GLCCI1: variants seen among roughly 807,000 people sequenced by gnomAD.
GLCCI1 encodes the protein glucocorticoid induced 1, also known as glucocorticoid-induced transcript 1 protein.
In GLCCI1, 24 loss-of-function variants were observed where a neutral mutation model predicts 52.2. The ratio of observed to expected loss-of-function variants is 0.46; its 90% CI spans 0.33 to 0.65. The LOEUF is 0.65. GLCCI1 is among the 30% of genes least tolerant of loss of function. The probability of loss-of-function intolerance (pLI) is 0.02; values close to 1 mark genes in which losing one functional copy is unlikely to be tolerated. For synonymous variants in GLCCI1, 310 were observed against 276.5 expected, an observed-to-expected ratio of 1.12 and a Z score of -1.20; for missense variants, 704 against 701.5, an observed-to-expected ratio of 1.00 and a Z score of -0.04.
chr7:8,047,532 T>TCC (rs1782159196), intron 3 of GLCCI1, among the ~76,000 whole-genome samples: 3 of 152,232 alleles, frequency 2.0e-5, no homozygotes, highest in Non-Finnish European at 4.4e-5. Flanking sequence ...TGAAGATAAC[T>TCC]TTTTAGCATT....
intron 2 of GLCCI1, among the ~76,000 whole-genome samples, chr7:8,012,117 G>C (rs184309113): frequency 6.6e-5 from 10 of 152,076 alleles, no homozygotes; most frequent in Admixed American, 5.9e-4. Context: ...GCCCAGCCAG[G>C]GGTCCAGTTT....
At position 8,003,974 on chromosome 7, in the gene GLCCI1, C is replaced by T; in HGVS notation, c.524C>T (p.Thr175Ile). 1 of 1,613,678 alleles carries T rather than the reference C, an allele frequency of 6.2e-7. No individual in the cohort carries two copies. The highest frequency in any genetic ancestry group is 8.5e-7 in the Non-Finnish European group (1 of 1,179,708). The change falls in exon 2 of 8, where the codon ACA (threonine) becomes ATA (isoleucine). Residue 175 changes from threonine (T) to isoleucine (I), a missense_variant. Around this residue, in one of 3 missense-constraint regions of GLCCI1, gnomAD observed 547 missense variants for 524.8 expected, o/e 1.04. Transcript: ENST00000223145. ...ATAAGGCGAACCTCCTCTTTGGATA[C>T]AATAACAGGACCTTACCTCACAGGA... ...STIRRTSSLD[T>I]ITGPYLTGQW...
At chr7:8,006,633 T>C (rs1781156134) in intron 2 of GLCCI1, among the ~76,000 whole-genome samples, 1 of 152,226 alleles carries the variant, frequency 6.6e-6, no homozygotes, top group Admixed American at 6.5e-5. Flanking sequence ...GTAAGTTAAA[T>C]GAACAAATTA....
chr7:8,044,610 A>G (rs150454700), intron 3 of GLCCI1, among the ~76,000 whole-genome samples: 95 of 152,288 alleles, frequency 6.2e-4, no homozygotes, highest in African/African-American at 2.1e-3. Context: ...GGCTCAAGCA[A>G]TCATCCAGCC....
At chr7:8,055,339 T>C (rs1659480497) in intron 3 of GLCCI1, 94 bp from the exon 4 acceptor site, 1 of 619,218 alleles carries the variant, frequency 1.6e-6, no homozygotes, top group Non-Finnish European at 2.7e-6. Flanking sequence ...AACTTGAAAA[T>C]GTTTTAATCA....
At chr7:8,072,081 T>C (rs547925976) in intron 6 of GLCCI1, among the ~76,000 whole-genome samples, 7 of 152,286 alleles carry the variant, frequency 4.6e-5, no homozygotes, top group African/African-American at 1.4e-4. Context: ...CAAGTATAGA[T>C]ATAGAAGATT....
chr7:8,024,652 T>C (rs1781572977), intron 3 of GLCCI1: 1 of 152,216 alleles, frequency 6.6e-6, no homozygotes, highest in Admixed American at 6.5e-5. Context: ...TTCAGTAATA[T>C]ATGACATACA....
intron 4 of GLCCI1, 26 bp downstream of exon 4, chr7:8,055,575 G>T (rs1178427012): frequency 7.6e-7 from 1 of 1,317,496 alleles, no homozygotes; most frequent in South Asian, 1.2e-5. Flanking sequence ...GTCCAGATTT[G>T]AATAATTACT....
intron 1 of GLCCI1, among the ~76,000 whole-genome samples, chr7:8,001,636 A>G (rs551685805): frequency 4.6e-5 from 7 of 152,358 alleles, no homozygotes; most frequent in Admixed American, 2.0e-4. Flanking sequence ...TCATGCTACT[A>G]TAAAGACACA....
chr7:8,052,475 C>T (rs1782280334), intron 3 of GLCCI1, among the ~76,000 whole-genome samples: 1 of 151,994 alleles, frequency 6.6e-6, no homozygotes, highest in African/African-American at 2.4e-5. Flanking sequence ...TGTCTCACAC[C>T]CAGGATATAT....
chr7:8,007,480 C>G (rs573812156), intron 2 of GLCCI1, among the ~76,000 whole-genome samples: 2 of 152,234 alleles, frequency 1.3e-5, no homozygotes, highest in South Asian at 2.1e-4. Context: ...TAACTACTAA[C>G]CTACTTCTTG....
chr7:8,002,432 C>A (rs1360334049), intron 1 of GLCCI1, among the ~76,000 whole-genome samples: 5 of 152,164 alleles, frequency 3.3e-5, no homozygotes, highest in Non-Finnish European at 7.4e-5. Context: ...CCATTAGATT[C>A]TCTGCCTTCA....
At chr7:8,024,269 G>T (rs761785870) in intron 3 of GLCCI1, among the ~76,000 whole-genome samples, 27 of 152,154 alleles carry the variant, frequency 1.8e-4, no homozygotes, top group Non-Finnish European at 2.9e-4. Context: ...TTACATTTTA[G>T]CAGCTTCTTT....
chr7:8,012,683 G>T (rs1781294813), intron 2 of GLCCI1, among the ~76,000 whole-genome samples: 1 of 151,728 alleles, frequency 6.6e-6, no homozygotes, highest in Non-Finnish European at 1.5e-5. Context: ...CTGACCTTGT[G>T]ATCCACCCGC....
At chr7:8,002,949 G>C (rs1163808418) in intron 1 of GLCCI1, among the ~76,000 whole-genome samples, 1 of 152,118 alleles carries the variant, frequency 6.6e-6, no homozygotes, top group East Asian at 1.9e-4. Context: ...TAGATTTTGG[G>C]TTCTTTTTAC....
chr7:8,085,038 C>G, intron 7 of GLCCI1, 21 bp downstream of exon 7: 1 of 1,612,976 alleles, frequency 6.2e-7, no homozygotes. Flanking sequence ...TCTTTTTTGT[C>G]AGCTGGGATC....
chr7:8,005,047 C>G (rs1474737749), intron 2 of GLCCI1, among the ~76,000 whole-genome samples: 6 of 152,298 alleles, frequency 3.9e-5, no homozygotes, highest in African/African-American at 1.4e-4. Context: ...CTGCTCTACT[C>G]TTTTGATTTC....
chr7:8,001,927 C>A (rs1362090415), intron 1 of GLCCI1, among the ~76,000 whole-genome samples: 1 of 152,090 alleles, frequency 6.6e-6, no homozygotes, highest in Non-Finnish European at 1.5e-5. Context: ...AGGGGAACAT[C>A]ACACACCAGG....
chr7:8,088,054 T>C lies in GLCCI1; in HGVS notation c.*1516T>C, dbSNP rs1357666918. ...AGTTGTTTCATCTGCGCCTAAAGTG[T>C]ATGGCACAATTTTCTTAAGAATTAG... On this transcript the variant is annotated 3_prime_UTR_variant, in exon 8 of 8. Transcript: ENST00000223145. 3.3e-5 allele frequency: 5 copies of C among 152,162 alleles called. No homozygotes were observed. Among genetic ancestry groups the C allele is most frequent in the Admixed American group, 2.6e-4 (4 of 15,272 alleles). 9.4% of individuals were successfully genotyped at this position (152,162 alleles called of 1,614,324 possible). A position where few individuals can be genotyped will look rare whatever the true frequency, so the allele number is the denominator to read the frequency against.
Sources: gnomAD v4.1 joint callset for allele counts (sites outside exome capture counted in the v4.1 genomes callset) on GRCh38, gnomAD v4.1.1 for gene constraint, gnomAD v4.1.1 regional missense constraint, MANE v1.5 for transcripts, NCBI Gene and HGNC (gene_info 2026-07-23, HGNC 2026-07-21) for gene names.